The following CHFR variants were observed in gnomAD, a reference collection of about 807,000 sequenced individuals.
CHFR encodes the protein E3 ubiquitin-protein ligase CHFR.
In CHFR, 57 loss-of-function variants were observed where a neutral mutation model predicts 87.6. The observed-to-expected ratio is 0.65, with a 90% CI of 0.53 to 0.81. The LOEUF (loss-of-function observed/expected upper bound fraction) is 0.81. Ranked by LOEUF, CHFR falls within the 30% of genes least tolerant of loss-of-function variation. The pLI is 0.00. For missense variants in CHFR, 797 were observed against 865.8 expected (o/e 0.92, Z 1.00); for synonymous variants, 381 against 359.2 (o/e 1.06, Z -0.69).
intron 11 of CHFR, among the ~76,000 whole-genome samples, chr12:132,852,436 C>G (rs1384764854): frequency 9.3e-6 from 1 of 108,006 alleles, no homozygotes; most frequent in East Asian, 2.9e-4. Context: ...CCACGGTGCA[C>G]AAGACCAATC....
chr12:132,845,170 T>C (rs1327125895), intron 15 of CHFR, among the ~76,000 whole-genome samples: 3 of 151,924 alleles, frequency 2.0e-5, no homozygotes, highest in African/African-American at 7.2e-5. Flanking sequence ...TTAACAAAGA[T>C]ATCGGCCAGG....
At chr12:132,843,902 T>C in intron 16 of CHFR, 125 bp downstream of exon 16, 1 of 583,896 alleles carries the variant, frequency 1.7e-6, no homozygotes, top group South Asian at 1.9e-5. Context: ...TGAGCCGAGA[T>C]TGCACCACTG....
chr12:132,867,966 A>T (rs989388610), intron 6 of CHFR: 7 of 151,982 alleles, frequency 4.6e-5, no homozygotes, highest in African/African-American at 9.7e-5. Flanking sequence ...AATTAAAAAA[A>T]AATAATATGT....
In CHFR at chr12:132,859,075, A is replaced by G; in HGVS notation, c.904T>C (p.Cys302Arg). 6.2e-7 allele frequency: 1 copy of G among 1,613,288 alleles called. No homozygotes were observed. Among genetic ancestry groups the G allele is most frequent in the Non-Finnish European group, 8.5e-7 (1 of 1,179,530 alleles). ...GGGTGAACACGGTCGCACCTCACGC[A>G]GTCGTGCAGCAGGTCCTGGCAGATG... ...CIICQDLLHDCVSLQPCMHTF... is the reference protein window; with the variant it reads ...CIICQDLLHDRVSLQPCMHTF... Residue 302 changes from cysteine to arginine, a missense_variant, in exon 8 of 18, where the codon TGC becomes CGC. Cys to Arg is a radical substitution (Grantham distance 180, BLOSUM62 -3). Around this residue, in one of 2 missense-constraint regions of CHFR, gnomAD observed 597 missense variants for 601.2 expected, o/e 0.99. Coordinates refer to ENST00000450056, the MANE Select transcript of CHFR (RefSeq NM_001161346.2).
At chr12:132,853,856 G>A (rs770805740) in intron 10 of CHFR, 5 of 442,526 alleles carry the variant, frequency 1.1e-5, no homozygotes, top group Middle Eastern at 5.8e-4. Flanking sequence ...GTGCTCCCAG[G>A]AGACGACGCC....
At chr12:132,870,638 T>TCCAGCCTGGGC in intron 5 of CHFR, 86 bp downstream of exon 5, 2 of 940,080 alleles carry the variant, frequency 2.1e-6, no homozygotes, top group Non-Finnish European at 3.4e-6. Context: ...CCAGCCTGGG[T>TCCAGCCTGGGC]AACAGAGCGA....
chr12:132,859,123 T>C lies in CHFR; in HGVS notation c.856A>G (p.Met286Val). The C allele has an allele frequency of 6.8e-6, 11 of 1,614,116 alleles. No homozygotes were observed. Among genetic ancestry groups the C allele is most frequent in the Non-Finnish European group, 9.3e-6 (11 of 1,180,006 alleles). ...VRAAAGKPDKMEETLTCIICQ... is the reference protein window; with the variant it reads ...VRAAAGKPDKVEETLTCIICQ... ...ATGATGCATGTCAGCGTCTCCTCCATCTTGTCTGGCTTCCCAGCCGCTGCT... is the reference window on the plus strand; with the variant it reads ...ATGATGCATGTCAGCGTCTCCTCCACCTTGTCTGGCTTCCCAGCCGCTGCT... Residue 286 changes from methionine to valine, a missense_variant, in exon 8 of 18, where the codon ATG becomes GTG. This residue lies in a region of CHFR where 597 missense variants were observed against 601.2 expected (regional missense o/e 0.99). Coordinates refer to ENST00000450056, the MANE Select transcript of CHFR (RefSeq NM_001161346.2).
intron 2 of CHFR, chr12:132,883,006 T>C (rs1330484547): frequency 1.3e-5 from 2 of 152,168 alleles, no homozygotes; most frequent in African/African-American, 4.8e-5. Flanking sequence ...CTGGCCTGAA[T>C]ATCAGCATTC....
rs1951157533 is a variant in CHFR, at chr12:132,859,227, T to C, written c.752A>G (p.Asp251Gly). The C allele has an allele frequency of 6.2e-7, 1 of 1,611,758 alleles. No homozygotes were observed. The highest frequency in any genetic ancestry group is 1.3e-5 in the African/African-American group (1 of 74,868). The change falls in exon 8 of 18, where the codon GAT becomes GGT. Residue 251 changes from aspartate to glycine, a missense_variant and splice_region_variant. Asp to Gly is a moderately conservative substitution (Grantham distance 94). Around this residue, in one of 2 missense-constraint regions of CHFR, gnomAD observed 597 missense variants for 601.2 expected, o/e 0.99. Coordinates refer to ENST00000450056, the MANE Select transcript of CHFR (RefSeq NM_001161346.2). Reference protein sequence around the residue: ...LEPVKKKMRGDGDLDLNGQLL... With the variant: ...LEPVKKKMRGGGDLDLNGQLL... The stretch of plus-strand genomic sequence containing the variant: ...CTGCCCGTTCAGGTCAAGGTCCCCA[T>C]CTACAGGAGAAAGGGATGTGTTCTG...
intron 2 of CHFR, among the ~76,000 whole-genome samples, chr12:132,886,066 CT>C (rs1951884964): frequency 6.6e-6 from 1 of 152,330 alleles, no homozygotes; most frequent in African/African-American, 2.4e-5. Flanking sequence ...AATCCCAGCA[CT>C]TTCGGAGGCC....
chr12:132,853,482 C>T lies in CHFR; in HGVS notation c.1321G>A (p.Ala441Thr). Residue 441 changes from alanine to threonine, a missense_variant, in exon 11 of 18, where the codon GCC (alanine) becomes ACC (threonine). By Grantham distance (58) the Ala-to-Thr change is moderately conservative. Transcript: ENST00000450056. ...HCPAPEGEPG[A>T]PQALGDAPST... is the part of the protein sequence containing the mutation. ...GGTGCATCCCCCAGGGCCTGTGGGG[C>T]TCCTGGCTCGCCCTCGGGTGCTGGG... 6.5e-7 allele frequency: 1 copy of T among 1,540,636 alleles called. No individual in the cohort carries two copies. The highest frequency in any genetic ancestry group is 2.2e-5 in the Admixed American group (1 of 46,368).
chr12:132,859,937 C>T (rs1452673686), intron 7 of CHFR, among the ~76,000 whole-genome samples: 1 of 151,892 alleles, frequency 6.6e-6, no homozygotes, highest in East Asian at 1.9e-4. Context: ...CTCAGCTACT[C>T]GGAAGGCTGA....
rs1490314622 is a variant in CHFR, at chr12:132,835,218, C to T, written c.*6336G>A. 1 of 152,160 alleles carries T rather than the reference C, an allele frequency of 6.6e-6. No homozygotes were observed. The highest frequency in any genetic ancestry group is 2.4e-5 in the African/African-American group (1 of 41,440). 9.4% of individuals were successfully genotyped at this position (152,160 alleles called of 1,614,324 possible). A position where few individuals can be genotyped will look rare whatever the true frequency, so the allele number is the denominator to read the frequency against. On this transcript the variant is annotated 3_prime_UTR_variant, in exon 18 of 18. Coordinates refer to ENST00000450056, the MANE Select transcript of CHFR (RefSeq NM_001161346.2). Reference sequence around the variant, plus strand: ...GACGGGGACATGGCTCAGCCCACCACGGAGTGTCAATGGTATCCAGCATGT... The same window carrying T: ...GACGGGGACATGGCTCAGCCCACCATGGAGTGTCAATGGTATCCAGCATGT...
intron 6 of CHFR, among the ~76,000 whole-genome samples, chr12:132,863,384 G>A (rs774819581): frequency 2.4e-4 from 36 of 151,968 alleles, no homozygotes; most frequent in Admixed American, 9.2e-4. Flanking sequence ...GCACATGCCT[G>A]TAACCCAGCT....
rs890800740 is a variant in CHFR, at chr12:132,872,160, G to A, written c.343+125C>T. 2.2e-5 allele frequency: 15 copies of A among 673,736 alleles called. No individual in the cohort carries two copies. In the African/African-American group the frequency reaches 2.5e-4, roughly 11 times the overall value. 41.7% of individuals were successfully genotyped at this position (673,736 alleles called of 1,614,324 possible). A position where few individuals can be genotyped will look rare whatever the true frequency, so the allele number is the denominator to read the frequency against. On this transcript the variant is annotated intron_variant, in intron 4 of 17. Coordinates refer to ENST00000450056, the MANE Select transcript of CHFR (RefSeq NM_001161346.2). Reference sequence around the variant, plus strand: ...TCACGGCAGGAACCCATGTGAGCAAGAAATGGGGTGTAGCCAGGAGGAACG... The same window carrying A: ...TCACGGCAGGAACCCATGTGAGCAAAAAATGGGGTGTAGCCAGGAGGAACG...
At chr12:132,881,057 A>C (rs895808100) in intron 2 of CHFR, among the ~76,000 whole-genome samples, 3 of 152,082 alleles carry the variant, frequency 2.0e-5, no homozygotes, top group African/African-American at 7.2e-5. Flanking sequence ...ACTTCAGACC[A>C]GGACTTCGAG....
intron 4 of CHFR, 21 bp from the exon 5 acceptor site, chr12:132,870,804 T>G (rs1272387853): frequency 6.4e-7 from 1 of 1,559,306 alleles, no homozygotes; most frequent in Admixed American, 1.7e-5. Context: ...ATCAATCAAA[T>G]CAGAAAAGTG....
In CHFR at chr12:132,870,770, G is replaced by C; in HGVS notation, c.357C>G (p.Leu119=). 1 of 1,609,840 alleles carries C rather than the reference G, an allele frequency of 6.2e-7. No individual in the cohort carries two copies. Among genetic ancestry groups the C allele is most frequent in the Non-Finnish European group, 8.5e-7 (1 of 1,176,258 alleles). Reference sequence around the variant, plus strand: ...CTTGCTTTTCACTTAAAGATTCATAGAGGTATGCCACGTCTAAAAGAAAAT... The same window carrying C: ...CTTGCTTTTCACTTAAAGATTCATACAGGTATGCCACGTCTAAAAGAAAAT... ...KNEPEHNVAY[L]YESLSEKQGM... Residue 119 remains leucine, a synonymous_variant, in exon 5 of 18, where the codon CTC becomes CTG. Transcript: ENST00000450056.
chr12:132,873,388 G>A (rs907375307), intron 3 of CHFR, among the ~76,000 whole-genome samples: 1 of 152,216 alleles, frequency 6.6e-6, no homozygotes, highest in African/African-American at 2.4e-5. Flanking sequence ...CAGTGGCTGT[G>A]TGTGTCTGAG....
Sources: allele counts gnomAD v4.1 joint callset (sites outside exome capture counted in the v4.1 genomes callset), GRCh38; gene constraint gnomAD v4.1.1; regional missense constraint gnomAD v4.1.1; transcripts MANE v1.5; gene names NCBI Gene and HGNC (gene_info 2026-07-23, HGNC 2026-07-21).